The following TSPAN14 variants were observed in gnomAD, a reference collection of about 807,000 sequenced individuals.
The protein encoded by TSPAN14 is tetraspanin 14.
In TSPAN14, 16 loss-of-function variants were observed where a neutral mutation model predicts 36.6. The observed-to-expected ratio is 0.44, with a 90% CI of 0.30 to 0.66. TSPAN14 has a LOEUF of 0.66. TSPAN14 is among the 30% of genes least tolerant of loss of function. TSPAN14 has a pLI of 0.12. For missense variants in TSPAN14, 231 were observed against 355.1 expected, an observed-to-expected ratio of 0.65 and a Z score of 2.81; for synonymous variants, 139 against 143.8, an observed-to-expected ratio of 0.97 and a Z score of 0.24.
At chr10:80,512,296 G>A in intron 6 of TSPAN14, 27 bp downstream of exon 6, 1 of 1,612,252 alleles carries the variant, frequency 6.2e-7, no homozygotes, top group East Asian at 2.2e-5. Context: ...TGGGGCACAG[G>A]GAGCCCGCCC....
chr10:80,461,934 G>C (rs1845993199), intron 1 of TSPAN14, among the ~76,000 whole-genome samples: 4 of 149,788 alleles, frequency 2.7e-5, no homozygotes. Context: ...TTTTCCTTCA[G>C]ACAGGGTCTC....
chr10:80,474,131 A>C (rs115547047), intron 1 of TSPAN14, among the ~76,000 whole-genome samples: 215 of 151,470 alleles, frequency 1.4e-3, no homozygotes, highest in African/African-American at 5.1e-3. Flanking sequence ...TGCAGCAGAA[A>C]CTCCGCCTTC....
At chr10:80,471,366 G>A (rs1846541804) in intron 1 of TSPAN14, among the ~76,000 whole-genome samples, 1 of 152,086 alleles carries the variant, frequency 6.6e-6, no homozygotes, top group Non-Finnish European at 1.5e-5. Context: ...AGGCCACAGG[G>A]CCCAGCCCAG....
At chr10:80,458,535 G>A (rs1845831122) in intron 1 of TSPAN14, among the ~76,000 whole-genome samples, 1 of 152,116 alleles carries the variant, frequency 6.6e-6, no homozygotes, top group African/African-American at 2.4e-5. Flanking sequence ...CAGGGCCTCC[G>A]TTTTTCTGCC....
chr10:80,467,280 G>T (rs926488982), intron 1 of TSPAN14, among the ~76,000 whole-genome samples: 7 of 152,144 alleles, frequency 4.6e-5, no homozygotes, highest in African/African-American at 1.7e-4. Flanking sequence ...GGTCCTCGTG[G>T]CCAAGAGGGT....
intron 1 of TSPAN14, among the ~76,000 whole-genome samples, chr10:80,477,874 G>A (rs1029588627): frequency 2.0e-5 from 3 of 152,060 alleles, no homozygotes; most frequent in African/African-American, 7.3e-5. Context: ...GATGAAAAGG[G>A]GCCTCACTGT....
intron 2 of TSPAN14, among the ~76,000 whole-genome samples, chr10:80,496,853 ATTTTCC>A (rs1195176667): frequency 6.6e-6 from 1 of 151,478 alleles, no homozygotes; most frequent in Non-Finnish European, 1.5e-5. Context: ...TCTTATTTAT[ATTTTCC>A]TTTAAATTCC....
At chr10:80,491,886 C>T (rs1847940044) in intron 2 of TSPAN14, among the ~76,000 whole-genome samples, 1 of 152,194 alleles carries the variant, frequency 6.6e-6, no homozygotes, top group Non-Finnish European at 1.5e-5. Context: ...AGTGCCTTGC[C>T]TAGGGGGAAG....
intron 1 of TSPAN14, chr10:80,466,361 C>T (rs1846247034): frequency 6.6e-6 from 1 of 152,320 alleles, no homozygotes. Context: ...TCAAGTGATC[C>T]TCCTGCCTCA....
chr10:80,522,035 G>A (rs1490485150), exon 9 of TSPAN14: 1 of 152,046 alleles, frequency 6.6e-6, no homozygotes, highest in African/African-American at 2.4e-5. Context: ...GGAAGAAAAA[G>A]TTAAGGGTAC....
intron 2 of TSPAN14, among the ~76,000 whole-genome samples, chr10:80,499,457 G>A (rs1457358165): frequency 6.6e-6 from 1 of 152,214 alleles, no homozygotes; most frequent in Non-Finnish European, 1.5e-5. Context: ...GCCTGACAGT[G>A]TGGGTCATTT....
intron 7 of TSPAN14, 176 bp from the exon 8 acceptor site, chr10:80,516,028 G>A (rs1487982001): frequency 1.1e-5 from 10 of 889,238 alleles, no homozygotes; most frequent in Admixed American, 2.7e-5. Flanking sequence ...AGTGCCCAGC[G>A]AGGGGCAGAG....
Position 80,457,792 on chromosome 10 carries a change from C to T in TSPAN14, c.-18+3421C>T, listed in dbSNP as rs139422021. On this transcript the variant is annotated intron_variant, in intron 1 of 8. Transcript: ENST00000429989. ...TGCTTGTGTCTGTCTGGACAGATCA[C>T]GGTTTGCTGTGGTAACAGCAATCCC... 2.0e-3 allele frequency among the ~76,000 whole-genome samples: 312 copies of T among 152,338 alleles called. 4 individuals carry two copies. Among genetic ancestry groups the T allele is most frequent in the African/African-American group, 6.3e-3 (261 of 41,580 alleles).
Position 80,509,921 on chromosome 10 carries a change from C to G in TSPAN14, c.450+450C>G. 1 of 161,910 alleles carries G rather than the reference C, an allele frequency of 6.2e-6. No individual in the cohort carries two copies. The highest frequency in any genetic ancestry group is 1.7e-4 in the South Asian group (1 of 6,028). 10.0% of individuals were successfully genotyped at this position (161,910 alleles called of 1,614,324 possible). A position where few individuals can be genotyped will look rare whatever the true frequency, so the allele number is the denominator to read the frequency against. On this transcript the variant is annotated intron_variant, in intron 5 of 8. Transcript: ENST00000429989. This position sits in a 1 kb window ranked among gnomAD's most constrained non-coding sequence, Gnocchi z 4.7. ...CCCCTTCCTCCCTGGGACCTTTTCC[C>G]CTTCCTGTTTAAGAAGCCAGGGCTG...
At chr10:80,462,339 G>A (rs1295028835) in intron 1 of TSPAN14, among the ~76,000 whole-genome samples, 1 of 140,056 alleles carries the variant, frequency 7.1e-6, no homozygotes. Flanking sequence ...GGTGGCCTAG[G>A]GCGTAGGAAT....
chr10:80,473,014 G>T (rs1846644388), intron 1 of TSPAN14, among the ~76,000 whole-genome samples: 1 of 152,202 alleles, frequency 6.6e-6, no homozygotes, highest in South Asian at 2.1e-4. Context: ...TGTGCACCTT[G>T]TGAAGCCTTC....
Position 80,509,441 on chromosome 10 carries a change from G to A in TSPAN14, c.420G>A (p.Leu140=), listed in dbSNP as rs747967950. The A allele has an allele frequency of 1.2e-6, 2 of 1,613,956 alleles. No individual in the cohort carries two copies. The highest frequency in any genetic ancestry group is 1.3e-5 in the African/African-American group (1 of 74,914). Residue 140 remains leucine (L), a synonymous_variant, in exon 5 of 9, where the codon CTG becomes CTA. Transcript: ENST00000429989. This position sits in a 1 kb window ranked among gnomAD's most constrained non-coding sequence, Gnocchi z 4.7. ...AGTCCTACCGGGACGATATCGATCT[G>A]CAAAACCTCATCGACTCCCTTCAGA...
chr10:80,469,444 G>T (rs566511132), intron 1 of TSPAN14, among the ~76,000 whole-genome samples: 1 of 152,248 alleles, frequency 6.6e-6, no homozygotes, highest in East Asian at 1.9e-4. Context: ...TTCACTTTAC[G>T]CCTGCACATC....
chr10:80,494,867 G>A (rs1444005283), intron 2 of TSPAN14, among the ~76,000 whole-genome samples: 1 of 152,076 alleles, frequency 6.6e-6, no homozygotes, highest in Admixed American at 6.5e-5. Context: ...TAATTTCGTG[G>A]AAATTCATAA....
Sources: gnomAD v4.1 joint callset for allele counts (sites outside exome capture counted in the v4.1 genomes callset) on GRCh38, gnomAD v4.1.1 for gene constraint, Gnocchi (gnomAD v3.1) non-coding constraint, MANE v1.5 for transcripts, NCBI Gene and HGNC (gene_info 2026-07-23, HGNC 2026-07-21) for gene names.